The following KCTD1 variants were observed in gnomAD, a reference collection of about 807,000 sequenced individuals.
KCTD1 encodes the protein BTB/POZ domain-containing protein KCTD1.
Under a neutral mutation model 66.0 loss-of-function variants are expected in KCTD1, and 24 were observed. That is an observed-to-expected ratio of 0.36 (90% CI 0.26 to 0.51). The LOEUF (loss-of-function observed/expected upper bound fraction) is 0.51, where lower values mean the gene tolerates loss of function less well. Ranked by LOEUF, KCTD1 falls within the 20% of genes least tolerant of loss-of-function variation. The probability of loss-of-function intolerance (pLI) is 0.95; values close to 1 mark genes in which losing one functional copy is unlikely to be tolerated. For missense variants in KCTD1, 943 were observed against 1,205.2 expected (o/e 0.78, Z 3.22); for synonymous variants, 511 against 517.2 (o/e 0.99, Z 0.16).
chr18:26,549,861 C>A (rs1985481298), upstream of KCTD1: 5 of 955,116 alleles, frequency 5.2e-6, no homozygotes, highest in Non-Finnish European at 6.2e-6. Flanking sequence ...GAGACACTGC[C>A]CCACTTCCAG....
chr18:26,500,399 G>A (rs901929103), intron 2 of KCTD1, among the ~76,000 whole-genome samples: 6 of 151,972 alleles, frequency 3.9e-5, no homozygotes, highest in African/African-American at 7.3e-5. Flanking sequence ...CAGCCTGGGC[G>A]ACAGAACAAG....
At chr18:26,656,794 C>T (rs906421748) in intron 1 of KCTD1, among the ~76,000 whole-genome samples, 5 of 150,664 alleles carry the variant, frequency 3.3e-5, no homozygotes, top group African/African-American at 9.7e-5. Flanking sequence ...GTGCGCTTGG[C>T]TCTGGGCGCC....
chr18:26,616,587 A>G (rs919922431), intron 1 of KCTD1, among the ~76,000 whole-genome samples: 1 of 151,948 alleles, frequency 6.6e-6, no homozygotes, highest in Non-Finnish European at 1.5e-5. Context: ...TGGCACAATC[A>G]TAGGTCACTG....
chr18:26,615,616 G>A (rs761622907), intron 1 of KCTD1, among the ~76,000 whole-genome samples: 8 of 152,124 alleles, frequency 5.3e-5, no homozygotes, highest in Admixed American at 2.0e-4. Flanking sequence ...TTACAGTACT[G>A]GTCCCCTGAG....
At chr18:26,656,713 G>A (rs554391801) in intron 1 of KCTD1, among the ~76,000 whole-genome samples, 2 of 151,522 alleles carry the variant, frequency 1.3e-5, no homozygotes, top group Non-Finnish European at 3.0e-5. Flanking sequence ...CGAGAAGGGG[G>A]CGGCGGGGCC....
chr18:26,609,471 C>A (rs532925461), intron 1 of KCTD1, among the ~76,000 whole-genome samples: 3 of 152,280 alleles, frequency 2.0e-5, no homozygotes, highest in South Asian at 4.1e-4. Flanking sequence ...GGGTGATGGA[C>A]CACCATGTCT....
chr18:26,514,807 T>C (rs1406470533), intron 1 of KCTD1, among the ~76,000 whole-genome samples: 1 of 152,228 alleles, frequency 6.6e-6, no homozygotes, highest in Admixed American at 6.5e-5. Context: ...TTTGGACCAA[T>C]AGTGCCTGCA....
chr18:26,530,443 C>T (rs527953983), intron 1 of KCTD1, among the ~76,000 whole-genome samples: 4 of 152,268 alleles, frequency 2.6e-5, no homozygotes, highest in East Asian at 1.9e-4. Context: ...ACCCGAAACA[C>T]GGAAGAGGCT....
chr18:26,480,000 A>G (rs1981550492), intron 2 of KCTD1, among the ~76,000 whole-genome samples: 1 of 151,658 alleles, frequency 6.6e-6, no homozygotes. Flanking sequence ...CAACTAGCCA[A>G]GACCAAGCTG....
chr18:26,589,002 C>A (rs1292562189), intron 1 of KCTD1, among the ~76,000 whole-genome samples: 2 of 151,960 alleles, frequency 1.3e-5, no homozygotes, highest in Non-Finnish European at 2.9e-5. Context: ...ACCCACTGAT[C>A]TAACTGCAAA....
intron 1 of KCTD1, among the ~76,000 whole-genome samples, chr18:26,579,338 C>G (rs1986299886): frequency 6.6e-6 from 1 of 152,138 alleles, no homozygotes; most frequent in Admixed American, 6.5e-5. Context: ...GTTGGACACA[C>G]TTGGCAATCA....
At position 26,455,674 on chromosome 18, in the gene KCTD1, T is replaced by A; in HGVS notation, c.*69A>T. The A allele has an allele frequency of 6.2e-6, 10 of 1,604,450 alleles. No individual in the cohort carries two copies. Among genetic ancestry groups the A allele is most frequent in the Non-Finnish European group, 8.5e-6 (10 of 1,174,292 alleles). On this transcript the variant is annotated 3_prime_UTR_variant, in exon 5 of 5. Transcript: ENST00000580059. Reference sequence around the variant, plus strand: ...CTTGGTTTGCTGTCCCAACTGCACATAAATGTCCCTTTTTTGTTTGAGTTA... The same window carrying A: ...CTTGGTTTGCTGTCCCAACTGCACAAAAATGTCCCTTTTTTGTTTGAGTTA...
intron 1 of KCTD1, among the ~76,000 whole-genome samples, chr18:26,624,283 A>G (rs28863890): frequency 0.07 from 10,659 of 152,324 alleles, 416 homozygotes; most frequent in Admixed American, 0.13. Flanking sequence ...CCAAATGTTA[A>G]TCACCAAGAC....
chr18:26,507,101 G>C (rs975209427), intron 1 of KCTD1, among the ~76,000 whole-genome samples: 1 of 152,098 alleles, frequency 6.6e-6, no homozygotes, highest in African/African-American at 2.4e-5. Context: ...GGGAGGTGGC[G>C]GTTTCAGTGA....
At chr18:26,640,083 G>GTA (rs1173413365) in intron 1 of KCTD1, among the ~76,000 whole-genome samples, 1 of 152,170 alleles carries the variant, frequency 6.6e-6, no homozygotes, top group Non-Finnish European at 1.5e-5. Flanking sequence ...ATGGTCCAGA[G>GTA]AAGAGAGGTC....
intron 1 of KCTD1, among the ~76,000 whole-genome samples, chr18:26,539,358 T>C (rs779742475): frequency 1.3e-5 from 2 of 152,334 alleles, no homozygotes; most frequent in Admixed American, 1.3e-4. Context: ...TCAGAGCACA[T>C]GCACTGCCTA....
chr18:26,590,372 A>C (rs1986571988), intron 1 of KCTD1, among the ~76,000 whole-genome samples: 1 of 152,112 alleles, frequency 6.6e-6, no homozygotes, highest in South Asian at 2.1e-4. Context: ...TACAGGCATG[A>C]GCCACCGTGC....
chr18:26,456,377 G>A (rs1451969800), intron 4 of KCTD1: 1 of 152,626 alleles, frequency 6.6e-6, no homozygotes, highest in Non-Finnish European at 1.5e-5. Context: ...TACTTAGTCA[G>A]TGATTCATTT....
At chr18:26,601,720 C>A (rs1595541) in intron 1 of KCTD1, among the ~76,000 whole-genome samples, 31,273 of 152,146 alleles carry the variant, frequency 0.21, 3,432 homozygotes, top group Middle Eastern at 0.28. Context: ...GTTTACAAAT[C>A]TTGCATTTCC....
Sources: allele counts gnomAD v4.1 joint callset (sites outside exome capture counted in the v4.1 genomes callset), GRCh38; gene constraint gnomAD v4.1.1; transcripts MANE v1.5; gene names NCBI Gene and HGNC (gene_info 2026-07-23, HGNC 2026-07-21).